Variants in RIMS2 observed in about 807,000 individuals in gnomAD.
RIMS2 encodes the protein regulating synaptic membrane exocytosis protein 2.
Under a neutral mutation model 174.4 loss-of-function variants are expected in RIMS2, and 59 were observed. The ratio of observed to expected loss-of-function variants is 0.34; its 90% CI spans 0.27 to 0.42. The LOEUF (loss-of-function observed/expected upper bound fraction) is 0.42, where lower values mean the gene tolerates loss of function less well. Ranked by LOEUF, RIMS2 falls within the 10% of genes least tolerant of loss-of-function variation. RIMS2 has a pLI of 1.00. For synonymous variants in RIMS2, 606 were observed against 572.5 expected (o/e 1.06, Z -0.84); for missense variants, 1,620 against 1,666.3 (o/e 0.97, Z 0.48).
At chr8:103,970,548 A>G (rs1475051701) in intron 15 of RIMS2, among the ~76,000 whole-genome samples, 2 of 152,146 alleles carry the variant, frequency 1.3e-5, no homozygotes, top group African/African-American at 2.4e-5. Flanking sequence ...AGAGACCTCA[A>G]TGACTGGGTT....
At chr8:103,696,321 C>CT in intron 1 of RIMS2, among the ~76,000 whole-genome samples, 1 of 151,878 alleles carries the variant, frequency 6.6e-6, no homozygotes, top group East Asian at 1.9e-4. Flanking sequence ...TTTTTTCTCT[C>CT]TTTGGATTCT....
intron 3 of RIMS2, among the ~76,000 whole-genome samples, chr8:103,877,509 C>T (rs544653097): frequency 2.2e-4 from 33 of 151,988 alleles, no homozygotes; most frequent in African/African-American, 7.9e-4. Context: ...TGTCTGTTTA[C>T]TCTGCTGCTC....
Position 103,697,368 on chromosome 8 carries a change from G to A in RIMS2, c.387+72G>A, listed in dbSNP as rs2097115664. The A allele has an allele frequency of 4.4e-6, 5 of 1,126,688 alleles. No individual in the cohort carries two copies. The South Asian group carries it at 5.0e-5, about 11-fold the overall frequency. 69.8% of individuals were successfully genotyped at this position (1,126,688 alleles called of 1,614,324 possible). ...TTTATCTATTCACGTTAGAGAGTAT[G>A]TTAATTCAACCCAAATAATATTTTG... On this transcript the variant is annotated intron_variant, in intron 2 of 23. Transcript: ENST00000504942.
chr8:103,549,165 T>A (rs543128220), intron 1 of RIMS2, among the ~76,000 whole-genome samples: 39 of 151,460 alleles, frequency 2.6e-4, no homozygotes, highest in African/African-American at 9.0e-4. Flanking sequence ...AGACACATAA[T>A]TGTCAGATTC....
chr8:103,558,807 A>G (rs2091021947), intron 1 of RIMS2, among the ~76,000 whole-genome samples: 1 of 152,144 alleles, frequency 6.6e-6, no homozygotes, highest in Non-Finnish European at 1.5e-5. Context: ...ATATGTGCAA[A>G]AATATAAAAT....
At chr8:103,516,371 C>T (rs909610587) in intron 1 of RIMS2, among the ~76,000 whole-genome samples, 16 of 152,024 alleles carry the variant, frequency 1.1e-4, no homozygotes, top group African/African-American at 3.4e-4. Flanking sequence ...CATACTTGTA[C>T]TCATACTTAT....
chr8:103,921,593 T>C (rs2077674353), intron 9 of RIMS2, 79 bp from the exon 13 acceptor site: 4 of 721,778 alleles, frequency 5.5e-6, no homozygotes, highest in Non-Finnish European at 1.0e-5. Context: ...ATAAATAATT[T>C]AAAAGATATA....
chr8:104,086,425 C>T (rs114868793), intron 19 of RIMS2, among the ~76,000 whole-genome samples: 3,311 of 151,898 alleles, frequency 0.022, 120 homozygotes, highest in African/African-American at 0.075. Context: ...TTCATTGCAG[C>T]GCTGGCACTT....
At chr8:104,051,582 T>C (rs2096787649) in intron 19 of RIMS2, among the ~76,000 whole-genome samples, 1 of 151,512 alleles carries the variant, frequency 6.6e-6, no homozygotes, top group African/African-American at 2.4e-5. Context: ...GAGAAACTGC[T>C]CAAAAAGAAA....
chr8:103,760,657 C>T (rs956632339), intron 2 of RIMS2, among the ~76,000 whole-genome samples: 5 of 150,894 alleles, frequency 3.3e-5, no homozygotes, highest in African/African-American at 1.2e-4. Flanking sequence ...TGTTTTTTTT[C>T]CAAACACAAT....
intron 1 of RIMS2, among the ~76,000 whole-genome samples, chr8:103,594,656 G>C (rs1406786563): frequency 1.3e-5 from 2 of 151,756 alleles, no homozygotes; most frequent in African/African-American, 2.4e-5. Context: ...TCTGATAAAA[G>C]GGAATGCAGA....
chr8:103,564,364 A>G (rs906122450), intron 1 of RIMS2, among the ~76,000 whole-genome samples: 3 of 152,170 alleles, frequency 2.0e-5, no homozygotes, highest in African/African-American at 7.2e-5. Flanking sequence ...CTCTAGAGGA[A>G]CAGAACTAAT....
intron 15 of RIMS2, among the ~76,000 whole-genome samples, chr8:103,962,303 G>A (rs1002784367): frequency 9.2e-5 from 14 of 151,886 alleles, no homozygotes; most frequent in Non-Finnish European, 2.1e-4. Context: ...TTTTGAAAAA[G>A]TTGTATATTT....
intron 4 of RIMS2, among the ~76,000 whole-genome samples, chr8:103,901,686 C>G (rs1399041274): frequency 1.3e-5 from 2 of 152,022 alleles, no homozygotes; most frequent in Non-Finnish European, 2.9e-5. Context: ...ATCATTTCAT[C>G]AATTACATGT....
chr8:104,079,575 A>T (rs1347861921), intron 19 of RIMS2, among the ~76,000 whole-genome samples: 1 of 139,682 alleles, frequency 7.2e-6, no homozygotes, highest in Non-Finnish European at 1.6e-5. Context: ...ATCAAATTTC[A>T]CATAACTGAA....
chr8:104,174,781 G>A (rs1249779981), intron 19 of RIMS2, among the ~76,000 whole-genome samples: 2 of 152,144 alleles, frequency 1.3e-5, no homozygotes, highest in African/African-American at 4.8e-5. Context: ...TTGTGAAGCT[G>A]GAGAATTTTC....
chr8:103,682,132 G>A (rs1478371651), intron 1 of RIMS2, among the ~76,000 whole-genome samples: 2 of 152,052 alleles, frequency 1.3e-5, no homozygotes, highest in South Asian at 2.1e-4. Context: ...TGAATTTGAG[G>A]TGGCATTGAG....
intron 15 of RIMS2, among the ~76,000 whole-genome samples, chr8:103,962,200 G>C (rs889775674): frequency 6.6e-6 from 1 of 151,550 alleles, no homozygotes; most frequent in African/African-American, 2.4e-5. Flanking sequence ...GGATGTTTCT[G>C]TCCTTTCATT....
At chr8:103,617,138 C>T (rs1167406716) in intron 1 of RIMS2, among the ~76,000 whole-genome samples, 1 of 152,136 alleles carries the variant, frequency 6.6e-6, no homozygotes. Flanking sequence ...GCTACAGTAA[C>T]CAACCAGCAT....
Sources: allele counts gnomAD v4.1 joint callset (sites outside exome capture counted in the v4.1 genomes callset), GRCh38; gene constraint gnomAD v4.1.1; transcripts MANE v1.5; gene names NCBI Gene and HGNC (gene_info 2026-07-23, HGNC 2026-07-21).